The following XYLB variants were observed in gnomAD, a reference collection of about 807,000 sequenced individuals.
XYLB encodes the protein xylulose kinase.
XYLB carries 62 observed loss-of-function variants against 78.7 expected under a neutral mutation model. The observed-to-expected ratio is 0.79, with a 90% confidence interval of 0.64 to 0.97. XYLB has a LOEUF of 0.97. Among genes scored for constraint, XYLB ranks in the 50% least tolerant of loss-of-function variants. XYLB has a pLI of 0.00. For missense variants in XYLB, 687 were observed against 676.8 expected (o/e 1.02, Z -0.17); for synonymous variants, 245 against 247.4 (o/e 0.99, Z 0.09).
the XYLB span, among the ~76,000 whole-genome samples, chr3:38,444,413 G>T: frequency 3.7e-3 from 560 of 152,284 alleles, 8 homozygotes; most frequent in African/African-American, 0.012. Context: ...GCTATAGGGA[G>T]GCTAGGATAA....
At position 38,385,150 on chromosome 3, in the gene XYLB, G is replaced by A. The variant is rs569538640; in HGVS notation, c.1291+5808G>A. ...TGAGTAGCTGGGATTACAGGTGCGC[G>A]CCATACCACCTGGCTAATTTTTGTA... On this transcript the variant is annotated intron_variant, in intron 15 of 18. Coordinates refer to ENST00000207870, the MANE Select transcript of XYLB (RefSeq NM_005108.4). Among the ~76,000 whole-genome samples the A allele has an allele frequency of 9.9e-4, 150 of 152,128 alleles. 1 individual carries two copies. The South Asian group carries it at 0.014, about 14-fold the overall frequency.
At chr3:38,423,177 A>G (rs1211874628), downstream of XYLB, among the ~76,000 whole-genome samples, 1 of 152,044 alleles carries the variant, frequency 6.6e-6, no homozygotes, top group Non-Finnish European at 1.5e-5. Flanking sequence ...GGTTCATGCC[A>G]TTCTCCTGCC....
At position 38,400,967 on chromosome 3, in the gene XYLB, A is replaced by G; in HGVS notation, c.1515A>G (p.Pro505=). The part of the protein sequence containing the change: ...LAPNPRLAAT[P]SPGASQVYEA... ...CAAATCCCAGACTAGCTGCTACCCC[A>G]AGCCCGGGAGCTTCTCAGGTGAGAG... Residue 505 remains proline, a synonymous_variant, in exon 18 of 19, where the codon CCA becomes CCG. Coordinates refer to ENST00000207870, the MANE Select transcript of XYLB (RefSeq NM_005108.4). 4 of 1,614,198 alleles carry G rather than the reference A, an allele frequency of 2.5e-6. No individual in the cohort carries two copies. The highest frequency in any genetic ancestry group is 2.5e-6 in the Non-Finnish European group (3 of 1,180,018).
At chr3:38,374,583 T>C (rs1194599915) in intron 11 of XYLB, 81 bp downstream of exon 11, 34 of 1,591,138 alleles carry the variant, frequency 2.1e-5, no homozygotes, top group Non-Finnish European at 2.9e-5. Flanking sequence ...GAGGTGCTGC[T>C]GAGACCCAGA....
At chr3:38,391,527 A>G (rs193254965) in intron 15 of XYLB, among the ~76,000 whole-genome samples, 66 of 152,322 alleles carry the variant, frequency 4.3e-4, no homozygotes, top group Admixed American at 2.2e-3. Flanking sequence ...GTTAATGTGC[A>G]TAGATAGCTA....
intron 7 of XYLB, among the ~76,000 whole-genome samples, chr3:38,367,618 A>G (rs1017168410): frequency 6.6e-6 from 1 of 152,200 alleles, no homozygotes; most frequent in African/African-American, 2.4e-5. Context: ...AGAGGACAGG[A>G]GGTGATAACA....
chr3:38,346,922 G>T lies in XYLB; in HGVS notation c.54G>T (p.Gln18His). 1 of 1,497,342 alleles carries T rather than the reference G, an allele frequency of 6.7e-7. No individual in the cohort carries two copies. The highest frequency in any genetic ancestry group is 1.3e-5 in the South Asian group (1 of 78,514). The allele number at this position is 1,497,342 out of a possible 1,614,324, so 92.8% of individuals were successfully genotyped here. A position where few individuals can be genotyped will look rare whatever the true frequency, so the allele number is the denominator to read the frequency against. ...RCCLGWDFST[Q>H]QVKVVAVDAE... ...GCCTGGGCTGGGACTTCAGCACGCA[G>T]CAGGTACAGTCGCCTGGCCGCAGGG... The change falls in exon 1 of 19, where the codon CAG (glutamine) becomes CAT (histidine). Residue 18 changes from glutamine (Q) to histidine (H), a missense_variant. By Grantham distance (24) the Gln-to-His change is conservative (BLOSUM62 0). Transcript: ENST00000207870.
At chr3:38,348,694 CTT>C in intron 2 of XYLB, 62 bp downstream of exon 2, 8 of 1,504,022 alleles carry the variant, frequency 5.3e-6, no homozygotes, top group Non-Finnish European at 7.4e-6. Context: ...CTCCCGCAAA[CTT>C]TTGTATTCGC....
At chr3:38,374,861 G>A (rs1706765750) in intron 11 of XYLB, among the ~76,000 whole-genome samples, 1 of 152,134 alleles carries the variant, frequency 6.6e-6, no homozygotes. Flanking sequence ...TACTTCTAGT[G>A]GGAAAGTCAT....
chr3:38,426,832 A>G, the XYLB span, among the ~76,000 whole-genome samples: 2 of 152,288 alleles, frequency 1.3e-5, no homozygotes, highest in East Asian at 3.9e-4. Flanking sequence ...TTCTGCAGCA[A>G]TGGGACATGC....
At chr3:38,388,951 CT>C (rs764161832) in intron 15 of XYLB, among the ~76,000 whole-genome samples, 14,526 of 145,022 alleles carry the variant, frequency 0.1, 887 homozygotes, top group Middle Eastern at 0.2. Flanking sequence ...AATTTTCTTT[CT>C]TTTTTTTTTT....
the XYLB span, among the ~76,000 whole-genome samples, chr3:38,429,736 G>A: frequency 6.6e-6 from 1 of 152,156 alleles, no homozygotes; most frequent in Non-Finnish European, 1.5e-5. Flanking sequence ...GCCCTGGTGT[G>A]TGATGTTCCC....
intron 6 of XYLB, among the ~76,000 whole-genome samples, chr3:38,366,214 T>A (rs1351646293): frequency 6.6e-6 from 1 of 152,020 alleles, no homozygotes; most frequent in Non-Finnish European, 1.5e-5. Context: ...TTACATGACC[T>A]CGCTGGAGTA....
At chr3:38,420,062 C>T (rs942937688) in exon 18 of XYLB, among the ~76,000 whole-genome samples, 1 of 152,152 alleles carries the variant, frequency 6.6e-6, no homozygotes, top group African/African-American at 2.4e-5. Context: ...TTGTGATCCA[C>T]CCGCCTCAGC....
chr3:38,432,113 C>T, the XYLB span, among the ~76,000 whole-genome samples: 1 of 8,776 alleles, frequency 1.1e-4, no homozygotes, highest in Non-Finnish European at 2.3e-4. Context: ...CACCCTGGCA[C>T]CTCCCAAATC....
chr3:38,425,932 C>T (rs906274558), downstream of XYLB, among the ~76,000 whole-genome samples: 3 of 152,204 alleles, frequency 2.0e-5, no homozygotes, highest in African/African-American at 7.2e-5. Flanking sequence ...TAATACTGAT[C>T]ATTCTATTTT....
chr3:38,353,134 A>T (rs928009326), intron 2 of XYLB, among the ~76,000 whole-genome samples: 1 of 151,924 alleles, frequency 6.6e-6, no homozygotes. Context: ...GGCCTTCCTC[A>T]CTCCAAAATT....
intron 9 of XYLB, among the ~76,000 whole-genome samples, chr3:38,372,002 A>G (rs1379078925): frequency 6.6e-6 from 1 of 152,222 alleles, no homozygotes; most frequent in Non-Finnish European, 1.5e-5. Flanking sequence ...CATGCCTCCA[A>G]GAAGGAGCCT....
the XYLB span, among the ~76,000 whole-genome samples, chr3:38,432,084 C>A: frequency 6.6e-6 from 1 of 150,824 alleles, no homozygotes; most frequent in Non-Finnish European, 1.5e-5. Context: ...GGTGGCGTCA[C>A]AGCCAAGCCA....
Sources: gnomAD v4.1 joint callset for allele counts (sites outside exome capture counted in the v4.1 genomes callset) on GRCh38, gnomAD v4.1.1 for gene constraint, MANE v1.5 for transcripts, NCBI Gene and HGNC (gene_info 2026-07-23, HGNC 2026-07-21) for gene names.